RNF216: variants seen among roughly 807,000 people sequenced by gnomAD.
RNF216 encodes ring finger protein 216, also known as E3 ubiquitin-protein ligase RNF216.
Under a neutral mutation model 110.8 loss-of-function variants are expected in RNF216, and 72 were observed. That is an observed-to-expected ratio of 0.65 (90% CI 0.54 to 0.79). The LOEUF (loss-of-function observed/expected upper bound fraction) is 0.79. RNF216 is among the 30% of genes least tolerant of loss of function. RNF216 has a pLI of 0.00. For missense variants in RNF216, 1,342 were observed against 1,141.2 expected (o/e 1.18, Z -2.54); for synonymous variants, 495 against 407.5 (o/e 1.21, Z -2.59).
intron 1 of RNF216, among the ~76,000 whole-genome samples, chr7:5,770,442 C>A (rs189783609): frequency 1.3e-5 from 2 of 148,222 alleles, no homozygotes; most frequent in African/African-American, 5.0e-5. Context: ...GCCTGGGCAA[C>A]GAGAGCAAAA....
chr7:5,674,050 G>A (rs1038571267), intron 13 of RNF216, among the ~76,000 whole-genome samples: 1 of 149,840 alleles, frequency 6.7e-6, no homozygotes, highest in Non-Finnish European at 1.5e-5. Context: ...TTTTTTTTAC[G>A]ACGGAGTCTT....
intron 11 of RNF216, chr7:5,713,162 A>C (rs1278927782): frequency 8.8e-6 from 2 of 226,378 alleles, no homozygotes; most frequent in East Asian, 2.3e-4. Context: ...TCTGAAAAGG[A>C]GATGCTGGGG....
chr7:5,772,847 G>A (rs145223293), intron 1 of RNF216, among the ~76,000 whole-genome samples: 2,225 of 147,278 alleles, frequency 0.015, 50 homozygotes, highest in African/African-American at 0.052. Context: ...GCACGATCTC[G>A]GCTCACTGCA....
At chr7:5,625,544 C>A (rs1786655097) in intron 15 of RNF216, among the ~76,000 whole-genome samples, 2 of 152,204 alleles carry the variant, frequency 1.3e-5, no homozygotes, top group African/African-American at 4.8e-5. Flanking sequence ...AACCAACGGA[C>A]AGTTTGCAGG....
chr7:5,734,362 A>T (rs1794267010), intron 5 of RNF216, among the ~76,000 whole-genome samples: 1 of 152,100 alleles, frequency 6.6e-6, no homozygotes, highest in Non-Finnish European at 1.5e-5. Context: ...ACTATAGACT[A>T]TACAAAATCT....
chr7:5,724,906 G>A (rs1314683653), intron 8 of RNF216, among the ~76,000 whole-genome samples: 1 of 152,182 alleles, frequency 6.6e-6, no homozygotes, highest in African/African-American at 2.4e-5. Context: ...GAATTTTGGA[G>A]AAACGTGGCT....
Position 5,774,689 on chromosome 7 carries a change from G to C in RNF216, c.-70+6852C>G, listed in dbSNP as rs1055593751. 2.6e-5 allele frequency among the ~76,000 whole-genome samples: 4 copies of C among 151,374 alleles called. No homozygotes were observed. The East Asian group carries it at 7.8e-4, about 29-fold the overall frequency. Reference sequence around the variant, plus strand: ...CTGCATTGTAATCACAAGTACACAGGAAATGCAGTGCTTATTAATAAAATA... The same window carrying C: ...CTGCATTGTAATCACAAGTACACAGCAAATGCAGTGCTTATTAATAAAATA... On this transcript the variant is annotated intron_variant, in intron 1 of 16. Coordinates refer to ENST00000389902, the MANE Select transcript of RNF216 (RefSeq NM_207111.4).
intron 2 of RNF216, among the ~76,000 whole-genome samples, chr7:5,760,092 T>C (rs768355146): frequency 4.4e-5 from 6 of 136,664 alleles, no homozygotes; most frequent in African/African-American, 7.4e-5. Context: ...CTCAGCATGA[T>C]TTTTTTCCTT....
At chr7:5,658,758 G>C (rs1218222234) in intron 13 of RNF216, among the ~76,000 whole-genome samples, 1 of 151,044 alleles carries the variant, frequency 6.6e-6, no homozygotes, top group Non-Finnish European at 1.5e-5. Flanking sequence ...CTGTATCTGT[G>C]TATGTTTTGC....
chr7:5,650,463 G>C (rs1237544696), intron 14 of RNF216, among the ~76,000 whole-genome samples: 1 of 152,174 alleles, frequency 6.6e-6, no homozygotes, highest in Non-Finnish European at 1.5e-5. Context: ...TAGTAGTCCA[G>C]ATGCCTTATC....
intron 1 of RNF216, among the ~76,000 whole-genome samples, chr7:5,776,493 G>A (rs1271940966): frequency 6.6e-6 from 1 of 151,102 alleles, no homozygotes; most frequent in Non-Finnish European, 1.5e-5. Context: ...TACTCAGGAG[G>A]CTGAGGCAGG....
intron 7 of RNF216, among the ~76,000 whole-genome samples, chr7:5,728,534 AC>A (rs1161994024): frequency 2.0e-5 from 3 of 151,824 alleles, no homozygotes; most frequent in African/African-American, 7.3e-5. Context: ...AGATTAGGCC[AC>A]TGCACTCCAG....
intron 2 of RNF216, 127 bp downstream of exon 2, chr7:5,760,876 T>C (rs967536715): frequency 1.3e-5 from 10 of 741,592 alleles, no homozygotes; most frequent in South Asian, 1.7e-5. Context: ...CTAACTAGTC[T>C]TTTTGTCAAA....
At chr7:5,710,366 T>TAAAA (rs537822157) in intron 13 of RNF216, among the ~76,000 whole-genome samples, 3 of 130,148 alleles carry the variant, frequency 2.3e-5, no homozygotes, top group Admixed American at 1.6e-4. Context: ...CCTCAAAACT[T>TAAAA]AAAAACAAAA....
chr7:5,744,039 A>G (rs1248375799), intron 3 of RNF216, among the ~76,000 whole-genome samples: 2 of 152,256 alleles, frequency 1.3e-5, no homozygotes, highest in Non-Finnish European at 2.9e-5. Context: ...ACAGAAAATC[A>G]AAACAAGAGA....
At chr7:5,726,326 C>A (rs184474832) in intron 7 of RNF216, among the ~76,000 whole-genome samples, 1 of 152,286 alleles carries the variant, frequency 6.6e-6, no homozygotes, top group East Asian at 1.9e-4. Flanking sequence ...GGTAAAATCA[C>A]ATGACAATGG....
At chr7:5,638,655 G>T (rs1787549201) in intron 15 of RNF216, among the ~76,000 whole-genome samples, 2 of 150,274 alleles carry the variant, frequency 1.3e-5, no homozygotes, top group Admixed American at 6.6e-5. Context: ...TTTTTGGGGG[G>T]GAGACAGGGT....
chr7:5,650,351 C>G, intron 14 of RNF216, among the ~76,000 whole-genome samples: 1 of 152,152 alleles, frequency 6.6e-6, no homozygotes, highest in East Asian at 1.9e-4. Context: ...AGACGCTGAG[C>G]GGAACCAGTG....
chr7:5,673,394 C>T (rs1413992176), intron 13 of RNF216, among the ~76,000 whole-genome samples: 3 of 152,144 alleles, frequency 2.0e-5, no homozygotes, highest in African/African-American at 4.8e-5. Context: ...CAAGAACAGG[C>T]AGGCAGGTGG....
Sources: gnomAD v4.1 joint callset for allele counts (sites outside exome capture counted in the v4.1 genomes callset) on GRCh38, gnomAD v4.1.1 for gene constraint, MANE v1.5 for transcripts, NCBI Gene and HGNC (gene_info 2026-07-23, HGNC 2026-07-21) for gene names.